Variants in CDH11 observed in about 807,000 individuals in gnomAD.
The protein encoded by CDH11 is cadherin-11.
Under a neutral mutation model 67.8 loss-of-function variants are expected in CDH11, and 11 were observed. The observed-to-expected ratio is 0.16, with a 90% CI of 0.10 to 0.27. CDH11 has a LOEUF of 0.27. Ranked by LOEUF, CDH11 falls within the 10% of genes least tolerant of loss-of-function variation. The pLI, the probability that CDH11 is intolerant of heterozygous loss-of-function variation, is 1.00. For synonymous variants in CDH11, 419 were observed against 400.0 expected (o/e 1.05, Z -0.57); for missense variants, 847 against 1,031.2 (o/e 0.82, Z 2.45).
At chr16:65,000,294 C>T (rs1018490844) in intron 3 of CDH11, among the ~76,000 whole-genome samples, 20 of 152,126 alleles carry the variant, frequency 1.3e-4, no homozygotes, top group Admixed American at 9.8e-4. Context: ...CTCCTCACCC[C>T]GCCTTGTTGT....
intron 1 of CDH11, among the ~76,000 whole-genome samples, chr16:65,100,541 A>G (rs768735652): frequency 6.6e-6 from 1 of 152,102 alleles, no homozygotes; most frequent in Non-Finnish European, 1.5e-5. Flanking sequence ...AATCGAGACC[A>G]TCCTGGTTGA....
rs2071192752 is a variant in CDH11 at position 64,946,159 on chromosome 16, G to T, written c.*1444C>A. ...TATTCTAAACAAAGCTTTTTTAAAT[G>T]AATCGCCCATTCTCATTAAAACATA... On this transcript the variant is annotated 3_prime_UTR_variant, in exon 13 of 13. Transcript: ENST00000268603. 9.5e-7 allele frequency: 1 copy of T among 1,053,880 alleles called. No homozygotes were observed. Among genetic ancestry groups the T allele is most frequent in the Admixed American group, 5.5e-5 (1 of 18,276 alleles). 65.3% of individuals were successfully genotyped at this position (1,053,880 alleles called of 1,614,324 possible). A position where few individuals can be genotyped will look rare whatever the true frequency, so the allele number is the denominator to read the frequency against.
chr16:64,981,582 C>T (rs978429410), intron 8 of CDH11: 3 of 152,454 alleles, frequency 2.0e-5, no homozygotes, highest in African/African-American at 7.2e-5. Flanking sequence ...GTCACTTTGT[C>T]TTGCATTGCC....
chr16:64,945,871 A>T lies in CDH11; in HGVS notation c.*1732T>A. ...AAAAAAACTGTAAAAATTGTCTGCAATCCAAGAAAAAGCACGTGCCCTGTG... is the reference window on the plus strand; with the variant it reads ...AAAAAAACTGTAAAAATTGTCTGCATTCCAAGAAAAAGCACGTGCCCTGTG... On this transcript the variant is annotated 3_prime_UTR_variant, in exon 13 of 13. Transcript: ENST00000268603. 1.9e-6 allele frequency: 2 copies of T among 1,056,174 alleles called. No homozygotes were observed. The highest frequency in any genetic ancestry group is 2.3e-6 in the Non-Finnish European group (2 of 873,550). 65.4% of individuals were successfully genotyped at this position (1,056,174 alleles called of 1,614,324 possible). A position where few individuals can be genotyped will look rare whatever the true frequency, so the allele number is the denominator to read the frequency against.
chr16:65,033,702 A>C (rs1405985692), intron 2 of CDH11, among the ~76,000 whole-genome samples: 1 of 150,046 alleles, frequency 6.7e-6, no homozygotes, highest in African/African-American at 2.4e-5. Flanking sequence ...ATGCCACAGC[A>C]CTCCAGCCTG....
rs918926221 is a variant in CDH11, at chr16:64,946,479, A to G, written c.*1124T>C. The G allele has an allele frequency of 5.8e-6, 6 of 1,031,068 alleles. No homozygotes were observed. The African/African-American group carries it at 8.4e-5, about 14-fold the overall frequency. The allele number at this position is 1,031,068 out of a possible 1,614,324, so 63.9% of individuals were successfully genotyped here. ...AAGATAAATGCATACTATATAACAC[A>G]TATTGCAAAGTCATAGACTGACCTA... On this transcript the variant is annotated 3_prime_UTR_variant, in exon 13 of 13. Coordinates refer to ENST00000268603, the MANE Select transcript of CDH11 (RefSeq NM_001797.4).
At chr16:64,956,271 C>G (rs1271690812) in intron 11 of CDH11, among the ~76,000 whole-genome samples, 1 of 152,108 alleles carries the variant, frequency 6.6e-6, no homozygotes, top group African/African-American at 2.4e-5. Flanking sequence ...AATTTGATTC[C>G]ATTCATAAAG....
intron 1 of CDH11, among the ~76,000 whole-genome samples, chr16:65,101,493 C>T (rs2074991143): frequency 6.6e-6 from 1 of 152,096 alleles, no homozygotes; most frequent in African/African-American, 2.4e-5. Context: ...CCCTACTTTC[C>T]TATCTCCATT....
chr16:65,073,581 G>A (rs2074457254), intron 1 of CDH11, among the ~76,000 whole-genome samples: 1 of 152,132 alleles, frequency 6.6e-6, no homozygotes, highest in Non-Finnish European at 1.5e-5. Context: ...ACCACACTTG[G>A]CCTTCCTTTT....
chr16:65,035,606 T>A (rs996492622), intron 2 of CDH11, among the ~76,000 whole-genome samples: 23 of 152,190 alleles, frequency 1.5e-4, no homozygotes, highest in Non-Finnish European at 3.1e-4. Flanking sequence ...GGAGTGTGCG[T>A]TCTTAATTTC....
rs1411795688 is a variant in CDH11, at chr16:64,993,102, G to A, written c.524-68C>T. The stretch of plus-strand genomic sequence containing the variant: ...TTCAAATTATGTTCTTGTTTACAAA[G>A]TTTTATTCTAAAATTAACCCTGAAG... On this transcript the variant is annotated intron_variant, in intron 4 of 12. Transcript: ENST00000268603. 4.4e-6 allele frequency: 6 copies of A among 1,353,398 alleles called. No homozygotes were observed. The Admixed American group carries it at 6.9e-5, about 15-fold the overall frequency. 83.8% of individuals were successfully genotyped at this position (1,353,398 alleles called of 1,614,324 possible).
At chr16:65,032,165 T>C (rs2073655924) in intron 2 of CDH11, among the ~76,000 whole-genome samples, 1 of 152,064 alleles carries the variant, frequency 6.6e-6, no homozygotes, top group Admixed American at 6.6e-5. Flanking sequence ...TACAGTCTTG[T>C]GAGGCAGGGA....
intron 2 of CDH11, among the ~76,000 whole-genome samples, chr16:65,042,706 A>C (rs895634995): frequency 6.6e-6 from 1 of 152,168 alleles, no homozygotes; most frequent in Admixed American, 6.5e-5. Flanking sequence ...ACCTTATTCC[A>C]TCCTGCTACA....
intron 2 of CDH11, among the ~76,000 whole-genome samples, chr16:65,036,776 C>A (rs771746258): frequency 1.1e-4 from 16 of 152,234 alleles, no homozygotes; most frequent in South Asian, 8.3e-4. Flanking sequence ...TAATTAGAGT[C>A]CAGCTCCCAA....
At chr16:65,009,446 T>A (rs1597087454) in intron 2 of CDH11, among the ~76,000 whole-genome samples, 2 of 152,146 alleles carry the variant, frequency 1.3e-5, no homozygotes, top group South Asian at 4.1e-4. Context: ...GTTACAAAAG[T>A]GTATTCAGAG....
intron 1 of CDH11, among the ~76,000 whole-genome samples, chr16:65,087,788 G>A (rs1035773652): frequency 1.1e-4 from 17 of 152,156 alleles, no homozygotes; most frequent in African/African-American, 3.4e-4. Context: ...TGGGCCACAT[G>A]TGTGGGCATC....
Position 64,997,503 on chromosome 16 carries a change from C to T in CDH11, c.523+1059G>A, listed in dbSNP as rs534539460. Among the ~76,000 whole-genome samples the T allele has an allele frequency of 3.3e-5, 5 of 152,070 alleles. No homozygotes were observed. The South Asian group carries it at 1.0e-3, about 32-fold the overall frequency. ...ATGATTTGCCTTTCCACCCCATCCCCACCCTTGACACTCAGTTGCTGACAC... is the reference window on the plus strand; with the variant it reads ...ATGATTTGCCTTTCCACCCCATCCCTACCCTTGACACTCAGTTGCTGACAC... On this transcript the variant is annotated intron_variant, in intron 4 of 12. Coordinates refer to ENST00000268603, the MANE Select transcript of CDH11 (RefSeq NM_001797.4).
chr16:65,011,216 C>T (rs542651859), intron 2 of CDH11, among the ~76,000 whole-genome samples: 2 of 151,472 alleles, frequency 1.3e-5, no homozygotes, highest in Non-Finnish European at 2.9e-5. Context: ...GAATCATTGA[C>T]AATGTTGTAA....
At chr16:65,120,574 C>T (rs1431069039) in intron 1 of CDH11, among the ~76,000 whole-genome samples, 1 of 152,124 alleles carries the variant, frequency 6.6e-6, no homozygotes, top group African/African-American at 2.4e-5. Flanking sequence ...CTCATACAGC[C>T]GGGTTTCAAG....
Sources: allele counts gnomAD v4.1 joint callset (sites outside exome capture counted in the v4.1 genomes callset), GRCh38; gene constraint gnomAD v4.1.1; transcripts MANE v1.5; gene names NCBI Gene and HGNC (gene_info 2026-07-23, HGNC 2026-07-21).